The following SYNE2 variants were observed in gnomAD, a reference collection of about 807,000 sequenced individuals.
SYNE2 encodes the protein spectrin repeat containing nuclear envelope protein 2.
A neutral mutation model predicts 856.3 loss-of-function variants in SYNE2; 431 were observed. The observed-to-expected ratio is 0.50, with a 90% CI of 0.47 to 0.55. SYNE2 has a LOEUF of 0.55. SYNE2 is among the 20% of genes least tolerant of loss of function. The pLI is 0.00. For synonymous variants in SYNE2, 2,923 were observed against 2,872.3 expected (o/e 1.02, Z -0.56); for missense variants, 8,129 against 8,023.2 (o/e 1.01, Z -0.50).
At chr14:63,969,545 T>C (rs1222479012) in intron 11 of SYNE2, among the ~76,000 whole-genome samples, 1 of 151,810 alleles carries the variant, frequency 6.6e-6, no homozygotes, top group Non-Finnish European at 1.5e-5. Context: ...GTTTCACTGT[T>C]TTAGCCATGA....
intron 1 of SYNE2, among the ~76,000 whole-genome samples, chr14:63,844,193 C>T (rs1370117651): frequency 6.6e-6 from 1 of 152,124 alleles, no homozygotes; most frequent in East Asian, 1.9e-4. Flanking sequence ...TCCCTCCATC[C>T]CCCCAATCCT....
intron 64 of SYNE2, among the ~76,000 whole-genome samples, chr14:64,106,371 C>T (rs369295763): frequency 3.9e-5 from 6 of 151,934 alleles, no homozygotes; most frequent in East Asian, 1.9e-4. Flanking sequence ...GAATATTGGC[C>T]GGGCATGGTG....
chr14:64,087,163 T>G (rs1369260531), intron 57 of SYNE2, among the ~76,000 whole-genome samples: 1 of 150,738 alleles, frequency 6.6e-6, no homozygotes, highest in African/African-American at 2.4e-5. Context: ...ATAAGGATTT[T>G]GAATAAGATT....
rs377064380 is a variant in SYNE2, at chr14:64,078,498, A to G, written c.11055A>G (p.Ser3685=). 1.1e-5 allele frequency: 18 copies of G among 1,614,040 alleles called. No individual in the cohort carries two copies. In the African/African-American group the frequency reaches 1.3e-4, roughly 12 times the overall value. ...ATGAAGTCTTAAAAAGCTCACCATC[A>G]TATGCAATGAGGAGAAAAATAGAAG... ...ISNEVLKSSP[S]YAMRRKIEEI... Residue 3685 remains serine, a synonymous_variant, in exon 55 of 116, where the codon TCA becomes TCG. Coordinates refer to ENST00000555002, the MANE Select transcript of SYNE2 (RefSeq NM_182914.3).
At chr14:64,112,236 C>T (rs1595597359) in intron 65 of SYNE2, among the ~76,000 whole-genome samples, 1 of 152,144 alleles carries the variant, frequency 6.6e-6, no homozygotes, top group Non-Finnish European at 1.5e-5. Context: ...TATTTGCAAT[C>T]GATTCCCATT....
At chr14:64,024,875 CT>C in intron 39 of SYNE2, 36 bp from the exon 40 acceptor site, 1 of 1,612,042 alleles carries the variant, frequency 6.2e-7, no homozygotes, top group Non-Finnish European at 8.5e-7. Flanking sequence ...ACACTTTTTG[CT>C]TATTTTGTAT....
In SYNE2 at chr14:64,089,706, G is replaced by C. The variant is rs1314615896; in HGVS notation, c.11793+10G>C. The C allele has an allele frequency of 6.5e-7, 1 of 1,549,482 alleles. No individual in the cohort carries two copies. The highest frequency in any genetic ancestry group is 1.1e-5 in the South Asian group (1 of 88,666). ...TCTCAAACATGGGGAGGTAAGCATA[G>C]ATTATTATTTAAAGTATTTTCTTAT... On this transcript the variant is annotated intron_variant, in intron 59 of 115. Transcript: ENST00000555002.
intron 57 of SYNE2, 120 bp from the exon 58 acceptor site, chr14:64,087,551 C>T (rs2097573425): frequency 2.8e-6 from 3 of 1,084,276 alleles, no homozygotes; most frequent in Admixed American, 3.4e-5. Flanking sequence ...CATTATCGAA[C>T]TAGAAATGAC....
At chr14:64,020,161 C>G in intron 35 of SYNE2, 68 bp downstream of exon 35, 1 of 1,109,496 alleles carries the variant, frequency 9.0e-7, no homozygotes, top group East Asian at 2.4e-5. Context: ...TCACTGCACT[C>G]CAGCCTGGGC....
chr14:64,024,101 C>T, intron 38 of SYNE2, 156 bp from the exon 39 acceptor site: 1 of 661,108 alleles, frequency 1.5e-6, no homozygotes, highest in Non-Finnish European at 2.7e-6. Context: ...AAATCATCTG[C>T]CATTGGAGAT....
intron 1 of SYNE2, chr14:63,873,420 G>C (rs1299527926): frequency 6.6e-6 from 1 of 151,836 alleles, no homozygotes; most frequent in Non-Finnish European, 1.5e-5. Flanking sequence ...TTTTTAGATG[G>C]AGTCTAGCTC....
chr14:63,840,167 G>A (rs2139924413), intron 1 of SYNE2, among the ~76,000 whole-genome samples: 1 of 152,278 alleles, frequency 6.6e-6, no homozygotes, highest in Non-Finnish European at 1.5e-5. Context: ...CTACTTGGGA[G>A]GCTAAGGCAG....
intron 52 of SYNE2, among the ~76,000 whole-genome samples, chr14:64,072,621 T>A (rs969574976): frequency 6.6e-6 from 1 of 152,092 alleles, no homozygotes; most frequent in South Asian, 2.1e-4. Flanking sequence ...TGCCTCAGCC[T>A]CCTGAGTAGC....
At chr14:63,813,554 G>A (rs1419047634) in intron 1 of SYNE2, among the ~76,000 whole-genome samples, 1 of 152,192 alleles carries the variant, frequency 6.6e-6, no homozygotes, top group Non-Finnish European at 1.5e-5. Context: ...CAACACTTTG[G>A]GAGGCCCAGG....
chr14:64,212,972 C>G lies in SYNE2; in HGVS notation c.19023C>G (p.Ser6341=). 2.5e-6 allele frequency: 4 copies of G among 1,613,912 alleles called. No homozygotes were observed. Among genetic ancestry groups the G allele is most frequent in the Non-Finnish European group, 3.4e-6 (4 of 1,179,988 alleles). ...GCCAGGAGGTGTTTGGAAGGGTCTC[C>G]CGGTTCCACCGGCGGCTCACCTCCT... ...RYCQEVFGRV[S]RFHRRLTSCT... is the part of the protein sequence containing the mutation. Residue 6341 remains serine (S), a synonymous_variant, in exon 105 of 116, where the codon TCC becomes TCG. Coordinates refer to ENST00000555002, the MANE Select transcript of SYNE2 (RefSeq NM_182914.3).
chr14:63,917,549 C>T (rs902241168), intron 2 of SYNE2, among the ~76,000 whole-genome samples: 2 of 152,216 alleles, frequency 1.3e-5, no homozygotes, highest in Non-Finnish European at 2.9e-5. Context: ...TGGCTCACTG[C>T]AACCTCTGCC....
intron 48 of SYNE2, among the ~76,000 whole-genome samples, chr14:64,053,919 A>G (rs758808125): frequency 2.0e-5 from 3 of 152,204 alleles, no homozygotes; most frequent in Non-Finnish European, 4.4e-5. Context: ...TAATGAGTCA[A>G]CATCCCGGCA....
chr14:64,210,273 C>A, intron 103 of SYNE2, 149 bp downstream of exon 103: 2 of 1,062,056 alleles, frequency 1.9e-6, no homozygotes, highest in Non-Finnish European at 2.6e-6. Flanking sequence ...CAAAGAAGCC[C>A]AAAGCTGCCA....
At chr14:63,998,860 G>T in intron 26 of SYNE2, 54 bp from the exon 27 acceptor site, 1 of 1,604,354 alleles carries the variant, frequency 6.2e-7, no homozygotes. Flanking sequence ...ACTGCGCTTG[G>T]CCTGTGTTAT....
Sources: allele counts gnomAD v4.1 joint callset (sites outside exome capture counted in the v4.1 genomes callset), GRCh38; gene constraint gnomAD v4.1.1; transcripts MANE v1.5; gene names NCBI Gene and HGNC (gene_info 2026-07-23, HGNC 2026-07-21).